CRTAC1: variants seen among roughly 807,000 people sequenced by gnomAD.
The protein encoded by CRTAC1 is cartilage acidic protein 1, also known as acidic secreted protein in cartilage.
A neutral mutation model predicts 67.8 loss-of-function variants in CRTAC1; 37 were observed. The observed-to-expected ratio is 0.55, with a 90% CI of 0.42 to 0.72. CRTAC1 has a LOEUF of 0.72. CRTAC1 is among the 30% of genes least tolerant of loss of function. The pLI is 0.00. For synonymous variants in CRTAC1, 348 were observed against 371.0 expected (o/e 0.94, Z 0.71); for missense variants, 780 against 931.6 (o/e 0.84, Z 2.12).
intron 1 of CRTAC1, among the ~76,000 whole-genome samples, chr10:98,016,494 G>C (rs1044020604): frequency 9.9e-5 from 15 of 152,158 alleles, no homozygotes; most frequent in African/African-American, 3.6e-4. Context: ...ATTCGGATTT[G>C]GTAGGTGTGG....
intron 1 of CRTAC1, among the ~76,000 whole-genome samples, chr10:98,018,199 C>CAAAAAAAA (rs71007373): frequency 1.9e-4 from 9 of 48,642 alleles, no homozygotes; most frequent in African/African-American, 4.8e-4. Context: ...AAGATGCCCG[C>CAAAAAAAA]AAAAAAAAAA....
intron 11 of CRTAC1, among the ~76,000 whole-genome samples, chr10:97,892,182 T>TA (rs577129477): frequency 2.6e-5 from 4 of 152,196 alleles, no homozygotes; most frequent in African/African-American, 9.6e-5. Context: ...GCTTTCCAGT[T>TA]AAAAAAGCAA....
At chr10:97,905,429 T>C (rs1201631831) in intron 6 of CRTAC1, among the ~76,000 whole-genome samples, 1 of 152,090 alleles carries the variant, frequency 6.6e-6, no homozygotes, top group Admixed American at 6.6e-5. Flanking sequence ...CAATGTCACT[T>C]CCTCCGGGAA....
intron 2 of CRTAC1, among the ~76,000 whole-genome samples, chr10:97,984,450 G>A (rs1346736759): frequency 6.6e-6 from 1 of 152,176 alleles, no homozygotes; most frequent in Non-Finnish European, 1.5e-5. Flanking sequence ...AAGCACAATG[G>A]TGGCAGAGCC....
chr10:97,974,323 G>T (rs1025335650), intron 2 of CRTAC1, among the ~76,000 whole-genome samples: 1 of 152,152 alleles, frequency 6.6e-6, no homozygotes, highest in Admixed American at 6.5e-5. Flanking sequence ...TGCGTAACAG[G>T]CGGACTCACT....
At chr10:97,987,748 C>T (rs1190483204) in intron 2 of CRTAC1, among the ~76,000 whole-genome samples, 1 of 152,238 alleles carries the variant, frequency 6.6e-6, no homozygotes, top group Non-Finnish European at 1.5e-5. Flanking sequence ...ATCCCTGTGT[C>T]TCTAGCGCTG....
intron 2 of CRTAC1, among the ~76,000 whole-genome samples, chr10:97,961,459 A>G (rs1217287281): frequency 6.6e-6 from 1 of 152,230 alleles, no homozygotes; most frequent in Non-Finnish European, 1.5e-5. Context: ...ACTTTTTAAT[A>G]TAATTTTTTA....
chr10:97,956,631 A>C (rs2051446596), intron 2 of CRTAC1, among the ~76,000 whole-genome samples: 1 of 146,128 alleles, frequency 6.8e-6, no homozygotes, highest in Non-Finnish European at 1.6e-5. Flanking sequence ...AATGAAAAAA[A>C]GTATCTTTGG....
intron 14 of CRTAC1, chr10:97,868,446 C>T (rs2050052928): frequency 1.3e-5 from 2 of 152,304 alleles, no homozygotes; most frequent in African/African-American, 4.8e-5. Context: ...AGGCTGGGAT[C>T]ACAAACTCAG....
At chr10:97,866,091 C>A (rs971030795) in intron 14 of CRTAC1, 3 of 204,440 alleles carry the variant, frequency 1.5e-5, no homozygotes, top group African/African-American at 6.9e-5. Flanking sequence ...ACTGCATGAC[C>A]CCTCATCCCA....
chr10:97,882,152 A>G (rs1218395591), intron 13 of CRTAC1, among the ~76,000 whole-genome samples: 1 of 152,148 alleles, frequency 6.6e-6, no homozygotes, highest in Non-Finnish European at 1.5e-5. Context: ...GGAAGGAGGG[A>G]TCCTTGGCCT....
chr10:97,947,406 T>C (rs1205014738), intron 2 of CRTAC1, among the ~76,000 whole-genome samples: 1 of 152,184 alleles, frequency 6.6e-6, no homozygotes, highest in Non-Finnish European at 1.5e-5. Context: ...GAAGGATGTA[T>C]AGGATTTTAG....
At chr10:97,916,445 C>T (rs1342984528) in intron 5 of CRTAC1, among the ~76,000 whole-genome samples, 1 of 152,156 alleles carries the variant, frequency 6.6e-6, no homozygotes, top group Non-Finnish European at 1.5e-5. Context: ...CATTAATCTC[C>T]CCCTTTCACC....
intron 1 of CRTAC1, among the ~76,000 whole-genome samples, chr10:98,025,353 T>G (rs61873667): frequency 0.013 from 2,007 of 152,224 alleles, 22 homozygotes; most frequent in Non-Finnish European, 0.02. Flanking sequence ...CATTCCCCAG[T>G]TGTAACAAGA....
intron 2 of CRTAC1, among the ~76,000 whole-genome samples, chr10:97,991,206 C>T (rs1327204461): frequency 2.0e-5 from 3 of 150,494 alleles, no homozygotes; most frequent in Middle Eastern, 3.5e-3. Flanking sequence ...GAGTTTGAGG[C>T]CAGCAGCCTG....
At chr10:97,957,164 G>A (rs577436661) in intron 2 of CRTAC1, among the ~76,000 whole-genome samples, 4 of 152,158 alleles carry the variant, frequency 2.6e-5, no homozygotes, top group East Asian at 1.9e-4. Context: ...AGGAGTGGGC[G>A]ATGCTTTAAA....
At chr10:98,018,313 T>G (rs1314861223) in intron 1 of CRTAC1, among the ~76,000 whole-genome samples, 1 of 149,976 alleles carries the variant, frequency 6.7e-6, no homozygotes, top group African/African-American at 2.5e-5. Context: ...CTCATGACCT[T>G]GGGCCTATTC....
At chr10:98,022,852 G>A (rs966407679) in intron 1 of CRTAC1, among the ~76,000 whole-genome samples, 2 of 152,146 alleles carry the variant, frequency 1.3e-5, no homozygotes, top group East Asian at 3.9e-4. Context: ...GTGAGTGAGA[G>A]TATCACAGAG....
intron 2 of CRTAC1, among the ~76,000 whole-genome samples, chr10:97,991,215 T>G (rs1383242526): frequency 6.7e-6 from 1 of 150,252 alleles, no homozygotes; most frequent in Non-Finnish European, 1.5e-5. Flanking sequence ...GCCAGCAGCC[T>G]GGGTAACATA....
Sources: allele counts gnomAD v4.1 joint callset (sites outside exome capture counted in the v4.1 genomes callset), GRCh38; gene constraint gnomAD v4.1.1; transcripts MANE v1.5; gene names NCBI Gene and HGNC (gene_info 2026-07-23, HGNC 2026-07-21).